Variants in GAS7 observed in about 807,000 individuals in gnomAD.
The protein encoded by GAS7 is growth arrest specific 7.
GAS7 carries 28 observed loss-of-function variants against 71.1 expected under a neutral mutation model. That is an observed-to-expected ratio of 0.39 (90% CI 0.29 to 0.54). The LOEUF is 0.54. Among genes scored for constraint, GAS7 ranks in the 20% least tolerant of loss-of-function variants. The pLI, the probability that GAS7 is intolerant of heterozygous loss-of-function variation, is 0.62. For synonymous variants in GAS7, 258 were observed against 245.8 expected, an observed-to-expected ratio of 1.05 and a Z score of -0.46; for missense variants, 436 against 627.8, an observed-to-expected ratio of 0.69 and a Z score of 3.27.
intron 1 of GAS7, among the ~76,000 whole-genome samples, chr17:10,142,029 C>T (rs2074086033): frequency 6.6e-6 from 1 of 151,824 alleles, no homozygotes; most frequent in Non-Finnish European, 1.5e-5. Flanking sequence ...GAGATCAAGA[C>T]CATCCTGGCT....
chr17:10,107,554 G>C (rs1028845792), intron 1 of GAS7, among the ~76,000 whole-genome samples: 1 of 151,940 alleles, frequency 6.6e-6, no homozygotes, highest in African/African-American at 2.4e-5. Context: ...AGGCTGAGCA[G>C]GGGAACCACC....
At chr17:10,124,734 A>G (rs1262159159) in intron 1 of GAS7, among the ~76,000 whole-genome samples, 1 of 152,144 alleles carries the variant, frequency 6.6e-6, no homozygotes, top group Non-Finnish European at 1.5e-5. Flanking sequence ...CCTGGCCAAC[A>G]TGGTGAAACC....
chr17:10,114,047 T>C (rs11870007), intron 1 of GAS7, among the ~76,000 whole-genome samples: 44,160 of 151,862 alleles, frequency 0.29, 6,535 homozygotes, highest in African/African-American at 0.32. Context: ...CCCGAGTAGC[T>C]GGGGCTACAG....
intron 1 of GAS7, among the ~76,000 whole-genome samples, chr17:10,130,683 A>G (rs1385214563): frequency 1.3e-5 from 2 of 152,258 alleles, no homozygotes; most frequent in African/African-American, 2.4e-5. Context: ...AAAAGAAATG[A>G]AGTCCTAATA....
chr17:10,157,048 A>C (rs999144569), intron 1 of GAS7, among the ~76,000 whole-genome samples: 1 of 152,136 alleles, frequency 6.6e-6, no homozygotes, highest in Non-Finnish European at 1.5e-5. Context: ...ATCTGAGAAG[A>C]AACAGAAAGC....
At chr17:10,109,874 T>C (rs2073793786) in intron 1 of GAS7, among the ~76,000 whole-genome samples, 1 of 151,954 alleles carries the variant, frequency 6.6e-6, no homozygotes, top group African/African-American at 2.4e-5. Flanking sequence ...GCCAACGTGG[T>C]AAAACCCCCT....
intron 2 of GAS7, among the ~76,000 whole-genome samples, chr17:10,001,821 C>A (rs952577410): frequency 2.0e-5 from 3 of 152,272 alleles, no homozygotes; most frequent in Admixed American, 2.0e-4. Flanking sequence ...AACAAAAACA[C>A]ATAATTTTAA....
At chr17:9,923,970 G>A (rs752700889) in intron 11 of GAS7, among the ~76,000 whole-genome samples, 6 of 152,058 alleles carry the variant, frequency 3.9e-5, no homozygotes, top group Non-Finnish European at 8.8e-5. Flanking sequence ...GAATGGATGG[G>A]CAAAAAGATT....
Position 9,912,154 on chromosome 17 carries a change from C to A in GAS7, c.*5074G>T, listed in dbSNP as rs1235368434. The A allele has an allele frequency of 8.6e-6, 2 of 232,374 alleles. No homozygotes were observed. Among genetic ancestry groups the A allele is most frequent in the Non-Finnish European group, 1.7e-5 (2 of 117,572 alleles). 14.4% of individuals were successfully genotyped at this position (232,374 alleles called of 1,614,324 possible). A position where few individuals can be genotyped will look rare whatever the true frequency, so the allele number is the denominator to read the frequency against. On this transcript the variant is annotated 3_prime_UTR_variant, in exon 14 of 14. Transcript: ENST00000432992. ...CTTTGGGGGGTCCTAGGAGAAACTA[C>A]CTCATTCTTAACAGCTCATAAAACT...
At chr17:10,070,668 T>A (rs959298833) in intron 1 of GAS7, among the ~76,000 whole-genome samples, 1 of 152,058 alleles carries the variant, frequency 6.6e-6, no homozygotes, top group Non-Finnish European at 1.5e-5. Flanking sequence ...CCGGCCTCCC[T>A]TCATTCTCTT....
intron 1 of GAS7, among the ~76,000 whole-genome samples, chr17:10,176,877 A>G (rs997920011): frequency 1.3e-5 from 2 of 152,160 alleles, no homozygotes; most frequent in Admixed American, 1.3e-4. Flanking sequence ...TTAAGCCGTG[A>G]GCCAAAATCA....
intron 5 of GAS7, among the ~76,000 whole-genome samples, chr17:9,950,001 T>A (rs1394221392): frequency 1.3e-5 from 2 of 151,882 alleles, no homozygotes; most frequent in Non-Finnish European, 2.9e-5. Context: ...GTAGCTGGGA[T>A]TACAGGTGCA....
intron 1 of GAS7, among the ~76,000 whole-genome samples, chr17:10,045,018 G>A (rs917270531): frequency 6.1e-5 from 9 of 146,486 alleles, no homozygotes; most frequent in African/African-American, 2.3e-4. Context: ...TCCAGCCCGG[G>A]CGACAGAGCG....
rs57391370 is a variant in GAS7 at position 9,917,436 on chromosome 17, G to C, written c.1318-95C>G. 17,053 of 870,906 alleles carry C rather than the reference G, an allele frequency of 0.02. 1,502 individuals carry two copies. The African/African-American group carries it at 0.21, about 11-fold the overall frequency. 53.9% of individuals were successfully genotyped at this position (870,906 alleles called of 1,614,324 possible). ...ATGCTGTCCTCACCTTAGTGTCTCT[G>C]AGAGCAGCCTCTCTAGAGGGCTCCG... On this transcript the variant is annotated intron_variant, in intron 13 of 13. Transcript: ENST00000432992.
chr17:9,976,086 T>A (rs1440341105), intron 3 of GAS7, among the ~76,000 whole-genome samples: 2 of 152,270 alleles, frequency 1.3e-5, no homozygotes, highest in South Asian at 4.1e-4. Context: ...CATAAATACC[T>A]TTCTGTTCCA....
intron 1 of GAS7, among the ~76,000 whole-genome samples, chr17:10,085,084 T>G (rs577291112): frequency 1.3e-5 from 2 of 152,374 alleles, no homozygotes; most frequent in African/African-American, 4.8e-5. Flanking sequence ...GGCCTCACAC[T>G]GCTGAGCACC....
intron 4 of GAS7, among the ~76,000 whole-genome samples, chr17:9,967,879 T>C (rs1476616564): frequency 6.6e-6 from 1 of 152,230 alleles, no homozygotes; most frequent in Non-Finnish European, 1.5e-5. Flanking sequence ...CCTGTGTCGA[T>C]GGCTTATAAT....
chr17:9,981,694 G>A lies in GAS7; in HGVS notation c.385+110C>T. The A allele has an allele frequency of 1.4e-6, 1 of 707,238 alleles. No individual in the cohort carries two copies. The highest frequency in any genetic ancestry group is 2.5e-6 in the Non-Finnish European group (1 of 392,486). The allele number at this position is 707,238 out of a possible 1,614,324, so 43.8% of individuals were successfully genotyped here. On this transcript the variant is annotated intron_variant, in intron 3 of 13. Transcript: ENST00000432992. This position sits in a 1 kb window ranked among gnomAD's most constrained non-coding sequence, Gnocchi z 4.4. ...CTCTCCCAGGCCCAACCCCTCCCTG[G>A]GTTTGCTACATCAGCCAGGTTTAAG... is the stretch of plus-strand genomic sequence containing the variant.
chr17:10,060,550 C>T (rs2073209034), intron 1 of GAS7, among the ~76,000 whole-genome samples: 1 of 152,136 alleles, frequency 6.6e-6, no homozygotes, highest in African/African-American at 2.4e-5. Context: ...AGCCCGCAGT[C>T]CCCAAGACAG....
Sources: allele counts gnomAD v4.1 joint callset (sites outside exome capture counted in the v4.1 genomes callset), GRCh38; gene constraint gnomAD v4.1.1; non-coding constraint Gnocchi (gnomAD v3.1); transcripts MANE v1.5; gene names NCBI Gene and HGNC (gene_info 2026-07-23, HGNC 2026-07-21).